Variants in TAS2R1 observed in about 807,000 individuals in gnomAD.
TAS2R1 encodes the protein taste 2 receptor member 1.
For missense variants in TAS2R1, 370 were observed against 353.4 expected (o/e 1.05, Z -0.38); for synonymous variants, 141 against 134.2 (o/e 1.05, Z -0.35).
chr5:9,804,796 A>G, the TAS2R1 span, among the ~76,000 whole-genome samples: 1 of 152,102 alleles, frequency 6.6e-6, no homozygotes, highest in Non-Finnish European at 1.5e-5. Flanking sequence ...AAGTCTGAAA[A>G]AGCACAAATA....
chr5:9,811,990 C>T, the TAS2R1 span, among the ~76,000 whole-genome samples: 2 of 152,064 alleles, frequency 1.3e-5, no homozygotes, highest in Non-Finnish European at 2.9e-5. Flanking sequence ...ACTTCCTCCC[C>T]CCGCATTGCT....
the TAS2R1 span, among the ~76,000 whole-genome samples, chr5:9,819,246 G>A: frequency 6.6e-6 from 1 of 152,142 alleles, no homozygotes; most frequent in African/African-American, 2.4e-5. Flanking sequence ...CTAAGCCTAG[G>A]GAAGGTGCTG....
chr5:9,668,801 A>T (rs1347234404), intron 1 of TAS2R1, among the ~76,000 whole-genome samples: 4 of 152,154 alleles, frequency 2.6e-5, no homozygotes, highest in African/African-American at 7.2e-5. Context: ...TAGCTAGCAC[A>T]AAAGCACACT....
At chr5:9,800,040 G>C in the TAS2R1 span, among the ~76,000 whole-genome samples, 1 of 152,220 alleles carries the variant, frequency 6.6e-6, no homozygotes, top group South Asian at 2.1e-4. Context: ...ACAAGCACAC[G>C]TGGAGATGAA....
At chr5:9,692,514 T>C (rs1379410044) in intron 1 of TAS2R1, among the ~76,000 whole-genome samples, 1 of 152,208 alleles carries the variant, frequency 6.6e-6, no homozygotes. Flanking sequence ...AGAAAATTTA[T>C]TTCCCTGTTA....
the TAS2R1 span, among the ~76,000 whole-genome samples, chr5:9,737,277 A>T: frequency 6.6e-6 from 1 of 152,180 alleles, no homozygotes. Flanking sequence ...TCACTTACAC[A>T]TTAGGTCAAC....
chr5:9,766,897 G>A, the TAS2R1 span, among the ~76,000 whole-genome samples: 6 of 152,150 alleles, frequency 3.9e-5, no homozygotes, highest in East Asian at 1.9e-4. Flanking sequence ...TTCCTCCACC[G>A]CCCTGGCTGC....
chr5:9,893,426 T>A, the TAS2R1 span, among the ~76,000 whole-genome samples: 2 of 152,018 alleles, frequency 1.3e-5, no homozygotes, highest in African/African-American at 2.4e-5. Context: ...CAGACTCCTA[T>A]CTCCGACTTC....
At chr5:9,648,602 C>T (rs921171850) in intron 2 of TAS2R1, among the ~76,000 whole-genome samples, 1 of 151,510 alleles carries the variant, frequency 6.6e-6, no homozygotes, top group African/African-American at 2.4e-5. Context: ...GAGATAGCAG[C>T]AAGGAATGAT....
intron 2 of TAS2R1, among the ~76,000 whole-genome samples, chr5:9,651,076 T>C (rs1740296222): frequency 6.6e-6 from 1 of 152,196 alleles, no homozygotes; most frequent in African/African-American, 2.4e-5. Flanking sequence ...TTCTACCTGC[T>C]TCTGACAGAC....
the TAS2R1 span, among the ~76,000 whole-genome samples, chr5:9,763,503 C>CA: frequency 0.058 from 8,339 of 144,200 alleles, 616 homozygotes; most frequent in East Asian, 0.27. Flanking sequence ...GACTCCATCT[C>CA]AAAAAAAAAA....
chr5:9,776,181 A>G, the TAS2R1 span, among the ~76,000 whole-genome samples: 1 of 152,176 alleles, frequency 6.6e-6, no homozygotes, highest in Non-Finnish European at 1.5e-5. Context: ...CTGTGGACAC[A>G]GGCTGAGTTC....
At chr5:9,829,201 A>G in the TAS2R1 span, among the ~76,000 whole-genome samples, 2 of 152,240 alleles carry the variant, frequency 1.3e-5, no homozygotes, top group Non-Finnish European at 2.9e-5. Context: ...GCCAGAGGCT[A>G]AAATTTCTGC....
chr5:9,647,838 C>T (rs1465143316), intron 2 of TAS2R1, among the ~76,000 whole-genome samples: 2 of 151,932 alleles, frequency 1.3e-5, no homozygotes, highest in African/African-American at 4.8e-5. Flanking sequence ...ATCTATTCTC[C>T]CTGCCTGGCA....
At chr5:9,792,533 C>T in the TAS2R1 span, among the ~76,000 whole-genome samples, 12 of 152,146 alleles carry the variant, frequency 7.9e-5, no homozygotes, top group African/African-American at 1.9e-4. Flanking sequence ...ATTACTTGCA[C>T]GGCAGCTATT....
chr5:9,692,755 A>G (rs1741274413), intron 1 of TAS2R1, among the ~76,000 whole-genome samples: 1 of 152,214 alleles, frequency 6.6e-6, no homozygotes, highest in East Asian at 1.9e-4. Flanking sequence ...GGCAGAGTCC[A>G]TGACTCAGCA....
At chr5:9,661,527 A>C (rs1306397315) in intron 1 of TAS2R1, among the ~76,000 whole-genome samples, 1 of 152,230 alleles carries the variant, frequency 6.6e-6, no homozygotes, top group Non-Finnish European at 1.5e-5. Flanking sequence ...ATAGATACTG[A>C]TCTTCCAACA....
At chr5:9,862,129 G>T in the TAS2R1 span, among the ~76,000 whole-genome samples, 5 of 152,038 alleles carry the variant, frequency 3.3e-5, no homozygotes, top group East Asian at 9.7e-4. Context: ...GGAGGGACTG[G>T]CAAATCCATT....
At chr5:9,654,660 A>C (rs1740373395) in intron 2 of TAS2R1, among the ~76,000 whole-genome samples, 1 of 152,238 alleles carries the variant, frequency 6.6e-6, no homozygotes, top group South Asian at 2.1e-4. Flanking sequence ...TGATGAAGAC[A>C]GTATTATATG....
Sources: allele counts gnomAD v4.1 joint callset (sites outside exome capture counted in the v4.1 genomes callset), GRCh38; gene constraint gnomAD v4.1.1; transcripts MANE v1.5; gene names NCBI Gene and HGNC (gene_info 2026-07-23, HGNC 2026-07-21).